ABCC1: variants seen among roughly 807,000 people sequenced by gnomAD.
The protein encoded by ABCC1 is multidrug resistance-associated protein 1.
A neutral mutation model predicts 172.9 loss-of-function variants in ABCC1; 83 were observed. The ratio of observed to expected loss-of-function variants is 0.48; its 90% confidence interval spans 0.40 to 0.58. ABCC1 has a LOEUF of 0.58. Ranked by LOEUF, ABCC1 falls within the 20% of genes least tolerant of loss-of-function variation. The probability of loss-of-function intolerance (pLI) is 0.00; values close to 1 mark genes in which losing one functional copy is unlikely to be tolerated. For missense variants in ABCC1, 1,817 were observed against 2,002.7 expected (o/e 0.91, Z 1.77); for synonymous variants, 937 against 825.2 (o/e 1.14, Z -2.32).
intron 1 of ABCC1, among the ~76,000 whole-genome samples, chr16:15,953,161 C>T (rs942739435): frequency 1.3e-5 from 2 of 151,986 alleles, no homozygotes; most frequent in Non-Finnish European, 2.9e-5. Context: ...CATGGCAAAA[C>T]CCCATCCCTA....
intron 1 of ABCC1, among the ~76,000 whole-genome samples, chr16:15,975,022 A>G (rs2046451694): frequency 6.6e-6 from 1 of 152,098 alleles, no homozygotes; most frequent in Non-Finnish European, 1.5e-5. Context: ...CCTGACCTCA[A>G]GTGATCCCCC....
intron 1 of ABCC1, among the ~76,000 whole-genome samples, chr16:15,959,213 G>A (rs141651300): frequency 6.6e-6 from 1 of 152,132 alleles, no homozygotes; most frequent in East Asian, 1.9e-4. Flanking sequence ...AGAAACTTGC[G>A]GCAGTTTCTT....
chr16:16,072,235 G>A (rs1357637504), intron 14 of ABCC1, among the ~76,000 whole-genome samples: 2 of 151,058 alleles, frequency 1.3e-5, no homozygotes, highest in Non-Finnish European at 2.9e-5. Context: ...CTGGAGTGCA[G>A]TGGTGCAGTC....
chr16:16,034,793 G>A (rs992685692), intron 6 of ABCC1, among the ~76,000 whole-genome samples: 3 of 151,968 alleles, frequency 2.0e-5, no homozygotes, highest in African/African-American at 7.2e-5. Flanking sequence ...TCACTGTGTT[G>A]TCCAGGCTGG....
At chr16:16,057,295 G>T (rs2049702657) in intron 12 of ABCC1, among the ~76,000 whole-genome samples, 1 of 151,072 alleles carries the variant, frequency 6.6e-6, no homozygotes, top group African/African-American at 2.4e-5. Context: ...GGAGGCTGAG[G>T]TTGCAGTGAG....
chr16:16,119,448 C>G (rs530540264), intron 23 of ABCC1, among the ~76,000 whole-genome samples: 2 of 151,894 alleles, frequency 1.3e-5, no homozygotes, highest in East Asian at 3.9e-4. Flanking sequence ...AAAAAAACAT[C>G]AGATCGGCAG....
chr16:15,987,904 C>T (rs1028700386), intron 1 of ABCC1, among the ~76,000 whole-genome samples: 30 of 152,254 alleles, frequency 2.0e-4, no homozygotes, highest in Middle Eastern at 3.4e-3. Flanking sequence ...TTGGTGTGCC[C>T]TTCCTCCAGA....
At chr16:16,136,684 C>A in intron 29 of ABCC1, 40 bp downstream of exon 29, 1 of 1,604,856 alleles carries the variant, frequency 6.2e-7, no homozygotes, top group Non-Finnish European at 8.5e-7. Context: ...GTAAGGTGTC[C>A]TAGGCGCCAT....
chr16:15,962,120 A>G (rs1380697086), intron 1 of ABCC1, among the ~76,000 whole-genome samples: 4 of 152,200 alleles, frequency 2.6e-5, no homozygotes, highest in Non-Finnish European at 5.9e-5. Context: ...GCAAGCTGGG[A>G]AGTGATCAGG....
At chr16:16,066,504 T>C (rs1276580220) in intron 12 of ABCC1, among the ~76,000 whole-genome samples, 1 of 152,118 alleles carries the variant, frequency 6.6e-6, no homozygotes, top group Non-Finnish European at 1.5e-5. Context: ...CTTAGCATGA[T>C]GTTTTCAAGG....
rs201580241 is a variant in ABCC1, at chr16:16,114,803, C to T, written c.3117C>T (p.Ile1039=). Reference sequence around the variant, plus strand: ...TTGGCTACTCCATGGCCGTGTCCATCGGGGGGATCTTGGCTTCCCGCTGTC... The same window carrying T: ...TTGGCTACTCCATGGCCGTGTCCATTGGGGGGATCTTGGCTTCCCGCTGTC... ...AVFGYSMAVS[I]GGILASRCLH... Residue 1039 remains isoleucine, a synonymous_variant, in exon 23 of 31, where the codon ATC becomes ATT. Coordinates refer to ENST00000399410, the MANE Select transcript of ABCC1 (RefSeq NM_004996.4). 3.0e-5 allele frequency: 48 copies of T among 1,607,644 alleles called. No individual in the cohort carries two copies. In the Middle Eastern group the frequency reaches 1.3e-3, roughly 44 times the overall value.
intron 28 of ABCC1, among the ~76,000 whole-genome samples, chr16:16,134,967 T>C (rs1291769212): frequency 6.6e-6 from 1 of 152,140 alleles, no homozygotes; most frequent in African/African-American, 2.4e-5. Flanking sequence ...GAAGTTAGGC[T>C]GTGCTGCTGC....
At position 16,141,327 on chromosome 16, in the gene ABCC1, C is replaced by T. The variant is rs757190221; in HGVS notation, c.*46C>T. On this transcript the variant is annotated 3_prime_UTR_variant, in exon 31 of 31. Transcript: ENST00000399410. ...GGTCAGAACTGCAGGGCCTATATGC[C>T]AGCGCCCAGGGAGGAGTCAGTACCC... 7 of 1,576,132 alleles carry T rather than the reference C, an allele frequency of 4.4e-6. No homozygotes were observed. In the East Asian group the frequency reaches 1.6e-4, roughly 35 times the overall value.
chr16:15,964,540 A>T (rs2046204349), intron 1 of ABCC1, among the ~76,000 whole-genome samples: 7 of 152,216 alleles, frequency 4.6e-5, no homozygotes, highest in African/African-American at 1.4e-4. Flanking sequence ...AGACCATATC[A>T]GTAATCTCTT....
intron 14 of ABCC1, among the ~76,000 whole-genome samples, chr16:16,075,523 C>G (rs1015840840): frequency 6.6e-6 from 1 of 152,014 alleles, no homozygotes; most frequent in Admixed American, 6.6e-5. Context: ...CCCAGTTGCT[C>G]AGGAGGCTGA....
In ABCC1 at chr16:16,056,299, A is replaced by T. The variant is rs751713134; in HGVS notation, c.1677+4A>T. 6.2e-7 allele frequency: 1 copy of T among 1,614,100 alleles called. No individual in the cohort carries two copies. The highest frequency in any genetic ancestry group is 1.1e-5 in the South Asian group (1 of 91,078). The stretch of plus-strand genomic sequence containing the variant: ...CTGGGTCTGCACGCCCTTTCTGGTG[A>T]GTGAAGCCACATTTTTCCTGGCCCT... On this transcript the variant is annotated splice_donor_region_variant and intron_variant, in intron 12 of 30. Coordinates refer to ENST00000399410, the MANE Select transcript of ABCC1 (RefSeq NM_004996.4).
At chr16:16,124,168 C>G (rs1026133064) in intron 24 of ABCC1, among the ~76,000 whole-genome samples, 3 of 152,184 alleles carry the variant, frequency 2.0e-5, no homozygotes, top group African/African-American at 7.2e-5. Context: ...CCAGATCTGT[C>G]TCGTAACAAG....
Position 16,067,151 on chromosome 16 carries a change from G to A in ABCC1, c.1678-1005G>A, listed in dbSNP as rs569911767. Among the ~76,000 whole-genome samples the A allele has an allele frequency of 1.7e-4, 26 of 152,302 alleles. No homozygotes were observed. In the East Asian group the frequency reaches 4.8e-3, roughly 28 times the overall value. On this transcript the variant is annotated intron_variant, in intron 12 of 30. Coordinates refer to ENST00000399410, the MANE Select transcript of ABCC1 (RefSeq NM_004996.4). ...TGTAGTCCTAGCTACTCGGGAGGCT[G>A]AGGTGGGAGGAATGCTTGAGCCCGG...
chr16:16,131,993 G>T (rs45532733), intron 27 of ABCC1, 58 bp downstream of exon 27: 4 of 1,581,346 alleles, frequency 2.5e-6, no homozygotes, highest in Non-Finnish European at 3.4e-6. Flanking sequence ...GGGTGCCATC[G>T]GGCAGGTGAA....
Sources: allele counts gnomAD v4.1 joint callset (sites outside exome capture counted in the v4.1 genomes callset), GRCh38; gene constraint gnomAD v4.1.1; transcripts MANE v1.5; gene names NCBI Gene and HGNC (gene_info 2026-07-23, HGNC 2026-07-21).